UBE2H: variants seen among roughly 807,000 people sequenced by gnomAD.
The protein encoded by UBE2H is ubiquitin conjugating enzyme E2 H.
UBE2H carries 3 observed loss-of-function variants against 29.0 expected under a neutral mutation model. That is an observed-to-expected ratio of 0.10 (90% confidence interval 0.05 to 0.27). The LOEUF is 0.27. UBE2H is among the 10% of genes least tolerant of loss of function. The pLI is 1.00. For synonymous variants in UBE2H, 69 were observed against 82.9 expected (o/e 0.83, Z 0.91); for missense variants, 68 against 228.2 (o/e 0.30, Z 4.52).
chr7:129,903,440 T>G (rs1806756263), intron 1 of UBE2H, among the ~76,000 whole-genome samples: 1 of 152,194 alleles, frequency 6.6e-6, no homozygotes, highest in South Asian at 2.1e-4. Flanking sequence ...TAAGAGTGTC[T>G]GTAATTGTAG....
intron 5 of UBE2H, among the ~76,000 whole-genome samples, chr7:129,844,066 CAAATA>C (rs1275656008): frequency 6.6e-6 from 1 of 152,178 alleles, no homozygotes; most frequent in Non-Finnish European, 1.5e-5. Flanking sequence ...TTGTTCCAAA[CAAATA>C]AAAGAACCCT....
rs901760717 is a variant in UBE2H at position 129,860,181 on chromosome 7, A to G, written c.206-1240T>C. Among the ~76,000 whole-genome samples, 134 of 152,324 alleles carry G rather than the reference A, an allele frequency of 8.8e-4. 1 individual carries two copies. Among genetic ancestry groups the G allele is most frequent in the Non-Finnish European group, 7.4e-5 (5 of 68,022 alleles). On this transcript the variant is annotated intron_variant, in intron 3 of 6. Coordinates refer to ENST00000355621, the MANE Select transcript of UBE2H (RefSeq NM_003344.4). ...AGAAACTTCCCCTGAAGTAGAAAAC[A>G]GGGGATAAGAATACCAAGTCCAAGT...
At chr7:129,925,611 A>G (rs1413138840) in intron 1 of UBE2H, among the ~76,000 whole-genome samples, 1 of 152,196 alleles carries the variant, frequency 6.6e-6, no homozygotes, top group East Asian at 1.9e-4. Context: ...CTTGTTTCCC[A>G]GCCTTTCTTG....
At chr7:129,849,594 AATAAT>A (rs1274825724) in intron 5 of UBE2H, among the ~76,000 whole-genome samples, 2 of 152,112 alleles carry the variant, frequency 1.3e-5, no homozygotes, top group Non-Finnish European at 2.9e-5. Context: ...AATAAAATAA[AATAAT>A]AAAACAATTA....
At chr7:129,852,380 T>C (rs774599071) in intron 5 of UBE2H, among the ~76,000 whole-genome samples, 80 of 151,650 alleles carry the variant, frequency 5.3e-4, no homozygotes, top group Non-Finnish European at 1.0e-3. Context: ...GGCAGGAGAA[T>C]GGCGTGAACC....
At chr7:129,888,984 G>C (rs1180448773) in intron 1 of UBE2H, among the ~76,000 whole-genome samples, 1 of 152,184 alleles carries the variant, frequency 6.6e-6, no homozygotes, top group Non-Finnish European at 1.5e-5. Flanking sequence ...AACAGAGTGT[G>C]ATTTGGACAT....
intron 1 of UBE2H, among the ~76,000 whole-genome samples, chr7:129,909,578 G>A (rs914793305): frequency 7.2e-5 from 11 of 152,276 alleles, no homozygotes; most frequent in Middle Eastern, 3.4e-3. Flanking sequence ...AAAATGGGCC[G>A]GGAGTGGTGG....
At chr7:129,923,520 C>T (rs1248327940) in intron 1 of UBE2H, among the ~76,000 whole-genome samples, 1 of 152,134 alleles carries the variant, frequency 6.6e-6, no homozygotes, top group Non-Finnish European at 1.5e-5. Flanking sequence ...AATCATAAAA[C>T]TGATAACCAA....
intron 1 of UBE2H, among the ~76,000 whole-genome samples, chr7:129,900,219 G>A (rs904061396): frequency 6.6e-5 from 10 of 152,040 alleles, no homozygotes; most frequent in East Asian, 1.9e-4. Flanking sequence ...GACCTGATAC[G>A]TCAAATAGCT....
At chr7:129,947,098 T>C (rs1242831120) in intron 1 of UBE2H, among the ~76,000 whole-genome samples, 3 of 152,132 alleles carry the variant, frequency 2.0e-5, no homozygotes, top group Non-Finnish European at 2.9e-5. Flanking sequence ...AGGAGGGACG[T>C]TTATGGGTCA....
intron 5 of UBE2H, among the ~76,000 whole-genome samples, chr7:129,843,549 C>A (rs1034185834): frequency 2.6e-5 from 4 of 152,176 alleles, no homozygotes; most frequent in African/African-American, 9.7e-5. Flanking sequence ...GCAAATTTCA[C>A]GAAGGCACAA....
At chr7:129,930,988 G>A (rs1807381857) in intron 1 of UBE2H, among the ~76,000 whole-genome samples, 1 of 151,364 alleles carries the variant, frequency 6.6e-6, no homozygotes, top group Admixed American at 6.6e-5. Flanking sequence ...GGAGGCTGAG[G>A]CAGGTGGATC....
chr7:129,876,143 G>T (rs535538632), intron 3 of UBE2H, among the ~76,000 whole-genome samples: 4 of 152,116 alleles, frequency 2.6e-5, no homozygotes, highest in Admixed American at 2.0e-4. Context: ...TGTAGCCTTC[G>T]TCATGTCCAG....
chr7:129,915,307 C>G (rs117232923), intron 1 of UBE2H, among the ~76,000 whole-genome samples: 4 of 152,096 alleles, frequency 2.6e-5, no homozygotes, highest in Admixed American at 2.6e-4. Context: ...GAGGTTGAGA[C>G]GGGCAGATCA....
intron 3 of UBE2H, among the ~76,000 whole-genome samples, chr7:129,861,943 A>C (rs899250211): frequency 1.3e-5 from 2 of 152,234 alleles, no homozygotes; most frequent in African/African-American, 4.8e-5. Flanking sequence ...TTACACAAGC[A>C]TTAACTAGTG....
intron 1 of UBE2H, among the ~76,000 whole-genome samples, chr7:129,900,705 T>G (rs952935353): frequency 6.6e-6 from 1 of 152,110 alleles, no homozygotes; most frequent in Non-Finnish European, 1.5e-5. Flanking sequence ...GTAAATATTA[T>G]TCACTTCTGA....
At chr7:129,887,900 C>CAA (rs1261863876) in intron 1 of UBE2H, among the ~76,000 whole-genome samples, 3 of 151,886 alleles carry the variant, frequency 2.0e-5, no homozygotes, top group Non-Finnish European at 4.4e-5. Flanking sequence ...CAAAACAAAA[C>CAA]AAAAGCAAAA....
intron 3 of UBE2H, among the ~76,000 whole-genome samples, chr7:129,878,243 T>C (rs1806185270): frequency 6.6e-6 from 1 of 152,084 alleles, no homozygotes; most frequent in South Asian, 2.1e-4. Flanking sequence ...GCTCAACACC[T>C]CACAGCTCCA....
chr7:129,839,681 A>G, intron 5 of UBE2H: 3 of 263,824 alleles, frequency 1.1e-5, no homozygotes, highest in South Asian at 1.1e-4. Flanking sequence ...GGGTCTTAAA[A>G]GAATTGAAGA....
Sources: gnomAD v4.1 joint callset for allele counts (sites outside exome capture counted in the v4.1 genomes callset) on GRCh38, gnomAD v4.1.1 for gene constraint, MANE v1.5 for transcripts, NCBI Gene and HGNC (gene_info 2026-07-23, HGNC 2026-07-21) for gene names.